HNF4A: variants seen among roughly 807,000 people sequenced by gnomAD.
The protein encoded by HNF4A is hepatocyte nuclear factor 4 alpha.
HNF4A carries 15 observed loss-of-function variants against 52.4 expected under a neutral mutation model. The observed-to-expected ratio is 0.29, with a 90% confidence interval of 0.19 to 0.44. The LOEUF is 0.44. Among genes scored for constraint, HNF4A ranks in the 20% least tolerant of loss-of-function variants. HNF4A has a pLI of 1.00. For missense variants in HNF4A, 479 were observed against 647.2 expected (o/e 0.74, Z 2.82); for synonymous variants, 280 against 264.4 (o/e 1.06, Z -0.57).
chr20:44,414,507 A>G lies in HNF4A; in HGVS notation c.493A>G (p.Ile165Val), dbSNP rs368759794. The G allele has an allele frequency of 2.1e-5, 34 of 1,614,188 alleles. No individual in the cohort carries two copies. Among genetic ancestry groups the G allele is most frequent in the Non-Finnish European group, 2.8e-5 (33 of 1,180,020 alleles). ...ATTTTCTTCCCTGTATCTCTCGAAG[A>G]TCACCTCCCCCGTCTCCGGGATCAA... Residue 165 changes from isoleucine to valine, a missense_variant and splice_region_variant, in exon 5 of 10, where the codon ATC (isoleucine) becomes GTC (valine). Physicochemically the swap from Ile to Val is conservative, Grantham distance 29. Transcript: ENST00000316099.
chr20:44,355,726 C>T lies in HNF4A; in HGVS notation c.-79C>T, dbSNP rs373143621. ...ACTCACCGCCTTCCTGGTGGACGGG[C>T]TCCTGGTGGCTGTGCTGCTGCTGTG... On this transcript the variant is annotated 5_prime_UTR_variant, in exon 1 of 10. Coordinates refer to the HNF4A transcript ENST00000316673. 4.0e-4 allele frequency: 528 copies of T among 1,308,684 alleles called. 6 individuals are homozygous for T. The South Asian group carries it at 4.7e-3, about 12-fold the overall frequency. 81.1% of individuals were successfully genotyped at this position (1,308,684 alleles called of 1,614,324 possible). A position where few individuals can be genotyped will look rare whatever the true frequency, so the allele number is the denominator to read the frequency against.
At chr20:44,377,523 G>A (rs1017428298) in intron 1 of HNF4A, among the ~76,000 whole-genome samples, 9 of 152,052 alleles carry the variant, frequency 5.9e-5, no homozygotes, top group Non-Finnish European at 8.8e-5. Flanking sequence ...AGCACTTTGG[G>A]AGGCCGAGGC....
At chr20:44,388,362 T>C in intron 1 of HNF4A, among the ~76,000 whole-genome samples, 1 of 113,708 alleles carries the variant, frequency 8.8e-6, no homozygotes, top group African/African-American at 4.6e-5. Context: ...GCCTGGAACC[T>C]TCCTCAAAGA....
chr20:44,400,295 GT>G (rs1323306813), upstream of HNF4A, among the ~76,000 whole-genome samples: 1 of 152,122 alleles, frequency 6.6e-6, no homozygotes, highest in African/African-American at 2.4e-5. Context: ...TAGGAGACGG[GT>G]GGAGAGAAAC....
intron 8 of HNF4A, 102 bp from the exon 9 acceptor site, chr20:44,428,233 T>C: frequency 8.3e-7 from 1 of 1,202,312 alleles, no homozygotes; most frequent in Non-Finnish European, 1.2e-6. Flanking sequence ...CTGCCAATAT[T>C]GGATGGGCTG....
intron 1 of HNF4A, among the ~76,000 whole-genome samples, chr20:44,404,144 T>C (rs562560588): frequency 4.6e-5 from 7 of 152,276 alleles, no homozygotes; most frequent in African/African-American, 1.4e-4. Flanking sequence ...AGTTTTCCTA[T>C]GTGGAAAAGT....
rs141760142 is a variant in HNF4A, at chr20:44,419,295, C to G, written c.737-426C>G. Reference sequence around the variant, plus strand: ...GGGAAGCTCGATTATTTATCCTCATCTTATAGATAAGAAAACTGAGGCACA... The same window carrying G: ...GGGAAGCTCGATTATTTATCCTCATGTTATAGATAAGAAAACTGAGGCACA... On this transcript the variant is annotated intron_variant, in intron 6 of 9. Transcript: ENST00000316099. Among the ~76,000 whole-genome samples the G allele has an allele frequency of 1.8e-4, 28 of 151,812 alleles. 1 individual carries two copies. Among genetic ancestry groups the G allele is most frequent in the African/African-American group, 6.8e-4 (28 of 41,096 alleles).
intron 7 of HNF4A, among the ~76,000 whole-genome samples, chr20:44,420,878 C>T (rs888187019): frequency 2.6e-5 from 4 of 152,116 alleles, no homozygotes; most frequent in Admixed American, 2.6e-4. Flanking sequence ...TACTTCTCCC[C>T]ATCCTACTTT....
At chr20:44,359,519 T>C (rs540999721) in intron 1 of HNF4A, among the ~76,000 whole-genome samples, 1 of 152,270 alleles carries the variant, frequency 6.6e-6, no homozygotes, top group East Asian at 1.9e-4. Flanking sequence ...CCTAGACCAG[T>C]GATTTTTCTC....
chr20:44,403,962 A>G (rs1345460771), intron 1 of HNF4A, among the ~76,000 whole-genome samples: 3 of 151,932 alleles, frequency 2.0e-5, no homozygotes, highest in African/African-American at 7.3e-5. Flanking sequence ...GGGGGAGGAG[A>G]GGCCGAGGGA....
intron 5 of HNF4A, 45 bp downstream of exon 5, chr20:44,414,707 G>A (rs1458404786): frequency 6.4e-7 from 1 of 1,560,798 alleles, no homozygotes; most frequent in Non-Finnish European, 8.7e-7. Flanking sequence ...CAGTGGGCGG[G>A]GCAGCCAGGG....
chr20:44,416,449 C>G (rs1225546192), intron 5 of HNF4A, among the ~76,000 whole-genome samples: 2 of 152,264 alleles, frequency 1.3e-5, no homozygotes, highest in Admixed American at 6.5e-5. Flanking sequence ...AAATCCAGGT[C>G]TTCCGCTTCG....
chr20:44,395,894 G>A (rs757229690), intron 1 of HNF4A, among the ~76,000 whole-genome samples: 4 of 152,170 alleles, frequency 2.6e-5, no homozygotes, highest in African/African-American at 7.2e-5. Context: ...TAATGGTGTG[G>A]TGAGCGCCAA....
chr20:44,400,252 C>T (rs2063390566), upstream of HNF4A, among the ~76,000 whole-genome samples: 1 of 152,044 alleles, frequency 6.6e-6, no homozygotes, highest in African/African-American at 2.4e-5. Context: ...TGTGACTGCA[C>T]TGGCGATACC....
At chr20:44,393,700 T>G (rs189104287) in intron 1 of HNF4A, among the ~76,000 whole-genome samples, 1 of 152,112 alleles carries the variant, frequency 6.6e-6, no homozygotes, top group African/African-American at 2.4e-5. Flanking sequence ...GCATATCCAG[T>G]GGCCATGATG....
chr20:44,434,525 G>C (rs6031604), downstream of HNF4A: 60,145 of 141,428 alleles, frequency 0.43, 15,110 homozygotes, highest in East Asian at 0.94. Flanking sequence ...GCGCGGGGGG[G>C]GGGGGGTGGA....
chr20:44,418,782 T>A (rs1479183428), intron 6 of HNF4A, among the ~76,000 whole-genome samples: 1 of 152,154 alleles, frequency 6.6e-6, no homozygotes, highest in African/African-American at 2.4e-5. Flanking sequence ...TACCTGTGCA[T>A]CCTTTTTTCT....
rs371913805 is a variant in HNF4A at position 44,401,352 on chromosome 20, C to T, written c.-21C>T. 3.2e-5 allele frequency: 51 copies of T among 1,613,700 alleles called. No homozygotes were observed. Among genetic ancestry groups the T allele is most frequent in the African/African-American group, 5.3e-5 (4 of 74,880 alleles). On this transcript the variant is annotated 5_prime_UTR_variant, in exon 1 of 10. Coordinates refer to ENST00000316099, the MANE Select transcript of HNF4A (RefSeq NM_000457.6). ...GGGCGCCCAGGGTAGGGCAGGTGGC[C>T]GCGGCGTGGAGGCAGGGAGAATGCG...
chr20:44,377,232 C>G (rs145082570), intron 1 of HNF4A, among the ~76,000 whole-genome samples: 3 of 151,902 alleles, frequency 2.0e-5, no homozygotes, highest in Non-Finnish European at 2.9e-5. Flanking sequence ...GGGGGCTAAA[C>G]CTTGGGTACA....
Sources: gnomAD v4.1 joint callset for allele counts (sites outside exome capture counted in the v4.1 genomes callset) on GRCh38, gnomAD v4.1.1 for gene constraint, MANE v1.5 for transcripts, NCBI Gene and HGNC (gene_info 2026-07-23, HGNC 2026-07-21) for gene names.